Variants in ARB2A observed in about 807,000 individuals in gnomAD.
The protein encoded by ARB2A is cotranscriptional regulator ARB2A.
the ARB2A span, among the ~76,000 whole-genome samples, chr5:93,842,554 C>T: frequency 3.3e-5 from 5 of 151,576 alleles, no homozygotes; most frequent in Admixed American, 3.3e-4. Flanking sequence ...ACTAGGAGAA[C>T]AAGGAAGGAA....
the ARB2A span, among the ~76,000 whole-genome samples, chr5:94,092,036 C>G: frequency 6.6e-6 from 1 of 152,156 alleles, no homozygotes; most frequent in African/African-American, 2.4e-5. Flanking sequence ...AGTACTGACA[C>G]CTCTCCAAAG....
At chr5:93,682,242 T>TA in the ARB2A span, among the ~76,000 whole-genome samples, 507 of 136,566 alleles carry the variant, frequency 3.7e-3, no homozygotes, top group East Asian at 0.014. Context: ...CAGTCTAACT[T>TA]AAAAAAAAAA....
At chr5:94,028,049 G>A in the ARB2A span, among the ~76,000 whole-genome samples, 4 of 152,214 alleles carry the variant, frequency 2.6e-5, no homozygotes, top group Non-Finnish European at 4.4e-5. Context: ...CTTCTGTGTC[G>A]ATTGTTGTTG....
chr5:93,931,323 G>A, the ARB2A span, among the ~76,000 whole-genome samples: 8 of 152,212 alleles, frequency 5.3e-5, no homozygotes, highest in Admixed American at 3.9e-4. Flanking sequence ...AATTAGCCGA[G>A]CATGGTGGTG....
the ARB2A span, among the ~76,000 whole-genome samples, chr5:93,893,677 A>G: frequency 6.6e-6 from 1 of 152,342 alleles, no homozygotes; most frequent in South Asian, 2.1e-4. Flanking sequence ...ATGAATACTT[A>G]TTAAAGAAAT....
the ARB2A span, among the ~76,000 whole-genome samples, chr5:93,695,209 A>C: frequency 1.3e-5 from 2 of 152,330 alleles, no homozygotes; most frequent in Admixed American, 1.3e-4. Context: ...TAAACTAAAG[A>C]GCTTCTGCAC....
the ARB2A span, among the ~76,000 whole-genome samples, chr5:93,765,357 G>C: frequency 9.2e-5 from 14 of 152,258 alleles, no homozygotes; most frequent in African/African-American, 1.7e-4. Context: ...TCTCAGGATA[G>C]AAAATCAATG....
chr5:93,771,043 G>C, the ARB2A span, among the ~76,000 whole-genome samples: 22 of 152,120 alleles, frequency 1.4e-4, no homozygotes, highest in African/African-American at 5.1e-4. Context: ...CACACTACCT[G>C]ACTTCAAACT....
the ARB2A span, among the ~76,000 whole-genome samples, chr5:93,905,694 T>C: frequency 6.6e-6 from 1 of 151,510 alleles, no homozygotes; most frequent in Non-Finnish European, 1.5e-5. Flanking sequence ...GTTATTATGT[T>C]AACATTATTT....
chr5:93,877,706 A>G, the ARB2A span, among the ~76,000 whole-genome samples: 1 of 152,332 alleles, frequency 6.6e-6, no homozygotes, highest in South Asian at 2.1e-4. Context: ...TAATCATTAT[A>G]CATTCCATGA....
At chr5:93,624,077 A>G in the ARB2A span, among the ~76,000 whole-genome samples, 2 of 152,190 alleles carry the variant, frequency 1.3e-5, no homozygotes, top group African/African-American at 4.8e-5. Context: ...GCAGGTTTCT[A>G]GTACTTAAAA....
the ARB2A span, among the ~76,000 whole-genome samples, chr5:93,783,350 G>A: frequency 1.2e-4 from 19 of 152,240 alleles, no homozygotes; most frequent in Admixed American, 1.0e-3. Context: ...TTAGACTTTT[G>A]TATGATGAAA....
chr5:94,107,602 C>T, the ARB2A span, among the ~76,000 whole-genome samples: 1 of 150,802 alleles, frequency 6.6e-6, no homozygotes, highest in African/African-American at 2.4e-5. Flanking sequence ...ATTAAAAATG[C>T]CCTTCCTTCT....
At chr5:94,019,544 T>C in the ARB2A span, among the ~76,000 whole-genome samples, 1 of 152,182 alleles carries the variant, frequency 6.6e-6, no homozygotes, top group African/African-American at 2.4e-5. Flanking sequence ...AAAAAGCTCA[T>C]CATCACTGGT....
the ARB2A span, among the ~76,000 whole-genome samples, chr5:93,987,931 T>C: frequency 6.6e-6 from 1 of 152,166 alleles, no homozygotes; most frequent in African/African-American, 2.4e-5. Flanking sequence ...ACTAAATCCA[T>C]CTGTATACGT....
chr5:93,789,647 T>C, the ARB2A span, among the ~76,000 whole-genome samples: 1 of 152,212 alleles, frequency 6.6e-6, no homozygotes, highest in East Asian at 1.9e-4. Context: ...TGGTACTCTG[T>C]CCTGTGCTAT....
chr5:93,750,835 T>G, the ARB2A span, among the ~76,000 whole-genome samples: 1 of 152,172 alleles, frequency 6.6e-6, no homozygotes, highest in Non-Finnish European at 1.5e-5. Flanking sequence ...AACAATGTCT[T>G]ATTTTAAATT....
the ARB2A span, among the ~76,000 whole-genome samples, chr5:93,969,608 A>G: frequency 1.3e-5 from 2 of 152,146 alleles, no homozygotes; most frequent in African/African-American, 4.8e-5. Context: ...AATTGTTAAA[A>G]GGAGAGCAGG....
chr5:93,629,340 C>G, the ARB2A span, among the ~76,000 whole-genome samples: 3 of 151,686 alleles, frequency 2.0e-5, no homozygotes, highest in Non-Finnish European at 4.4e-5. Flanking sequence ...AAGAAAAGGT[C>G]TGAAATAGTG....
Sources: gnomAD v4.1 joint callset for allele counts (sites outside exome capture counted in the v4.1 genomes callset) on GRCh38, gnomAD v4.1.1 for gene constraint, MANE v1.5 for transcripts, NCBI Gene and HGNC (gene_info 2026-07-23, HGNC 2026-07-21) for gene names.